ZFPM2: variants seen among roughly 807,000 people sequenced by gnomAD.
ZFPM2 encodes zinc finger protein, FOG family member 2.
ZFPM2 carries 20 observed loss-of-function variants against 98.6 expected under a neutral mutation model. That is an observed-to-expected ratio of 0.20 (90% CI 0.14 to 0.29). ZFPM2 has a LOEUF of 0.29. Ranked by LOEUF, ZFPM2 falls within the 10% of genes least tolerant of loss-of-function variation. The pLI, the probability that ZFPM2 is intolerant of heterozygous loss-of-function variation, is 1.00. For missense variants in ZFPM2, 1,310 were observed against 1,388.6 expected (o/e 0.94, Z 0.90); for synonymous variants, 518 against 502.7 (o/e 1.03, Z -0.41).
chr8:105,371,429 G>A (rs1810620025), intron 1 of ZFPM2, among the ~76,000 whole-genome samples: 1 of 152,250 alleles, frequency 6.6e-6, no homozygotes, highest in Non-Finnish European at 1.5e-5. Context: ...TAGTTACATT[G>A]TCAGCATCCA....
At chr8:105,542,223 A>G (rs912059627) in intron 3 of ZFPM2, among the ~76,000 whole-genome samples, 6 of 152,278 alleles carry the variant, frequency 3.9e-5, no homozygotes, top group African/African-American at 1.4e-4. Flanking sequence ...TAAAAGAGAA[A>G]TGCAGTCTTG....
At chr8:105,735,452 T>C (rs543151171) in intron 5 of ZFPM2, among the ~76,000 whole-genome samples, 2 of 151,886 alleles carry the variant, frequency 1.3e-5, no homozygotes, top group South Asian at 2.1e-4. Context: ...AACAACTCAG[T>C]TTTTATAATT....
At chr8:105,641,905 CCA>C (rs1816955256) in intron 5 of ZFPM2, among the ~76,000 whole-genome samples, 2 of 152,010 alleles carry the variant, frequency 1.3e-5, no homozygotes, top group Admixed American at 1.3e-4. Flanking sequence ...CACCCTGGAT[CCA>C]TGCATGAATG....
chr8:105,380,708 T>TATATTATATATAACATATATA (rs1810848059), intron 1 of ZFPM2, among the ~76,000 whole-genome samples: 2 of 33,920 alleles, frequency 5.9e-5, no homozygotes, highest in Non-Finnish European at 9.1e-5. Context: ...ATATATAATA[T>TATATTATATATAACATATATA]ATATATATAT....
chr8:105,617,408 T>G (rs145967562), intron 4 of ZFPM2, among the ~76,000 whole-genome samples: 150 of 152,272 alleles, frequency 9.9e-4, no homozygotes, highest in African/African-American at 3.5e-3. Context: ...CAATCTAATC[T>G]GAGGAACATA....
chr8:105,523,846 T>C (rs1308979731), intron 3 of ZFPM2, among the ~76,000 whole-genome samples: 1 of 152,126 alleles, frequency 6.6e-6, no homozygotes, highest in Non-Finnish European at 1.5e-5. Flanking sequence ...CAACTGAGAG[T>C]AATGATGTTC....
intron 5 of ZFPM2, among the ~76,000 whole-genome samples, chr8:105,738,538 G>C (rs1400218853): frequency 1.3e-5 from 2 of 152,102 alleles, no homozygotes; most frequent in Non-Finnish European, 2.9e-5. Flanking sequence ...TATATACCCA[G>C]TAATGGGATT....
intron 2 of ZFPM2, among the ~76,000 whole-genome samples, chr8:105,429,570 G>A (rs746291313): frequency 2.0e-5 from 3 of 151,658 alleles, no homozygotes; most frequent in African/African-American, 7.3e-5. Context: ...TCACCAGCAC[G>A]CATCTGCCTC....
intron 3 of ZFPM2, among the ~76,000 whole-genome samples, chr8:105,556,538 T>C (rs1814994423): frequency 6.6e-6 from 1 of 152,152 alleles, no homozygotes; most frequent in Non-Finnish European, 1.5e-5. Flanking sequence ...ACATGGCTTA[T>C]TACAGTTACT....
intron 1 of ZFPM2, among the ~76,000 whole-genome samples, chr8:105,358,255 A>AT (rs71577973): frequency 0.14 from 19,844 of 142,732 alleles, 1,440 homozygotes; most frequent in Non-Finnish European, 0.17. Flanking sequence ...CCCAAGATTC[A>AT]TTTTTTTTTT....
chr8:105,794,491 G>T (rs940312462), intron 6 of ZFPM2, among the ~76,000 whole-genome samples: 1 of 152,150 alleles, frequency 6.6e-6, no homozygotes, highest in African/African-American at 2.4e-5. Context: ...TGCCCCTACT[G>T]GGGGGTGCGT....
chr8:105,614,327 A>G (rs1816369279), intron 4 of ZFPM2, among the ~76,000 whole-genome samples: 2 of 152,254 alleles, frequency 1.3e-5, no homozygotes, highest in African/African-American at 2.4e-5. Context: ...GGAGTTTCCT[A>G]AAAGAGACTT....
chr8:105,626,516 A>T (rs1434551670), intron 4 of ZFPM2, among the ~76,000 whole-genome samples: 5 of 151,966 alleles, frequency 3.3e-5, no homozygotes, highest in African/African-American at 1.2e-4. Flanking sequence ...GTACAGCACC[A>T]TTTTTTCATT....
intron 3 of ZFPM2, among the ~76,000 whole-genome samples, chr8:105,445,892 A>C (rs1812359131): frequency 6.7e-6 from 1 of 150,080 alleles, no homozygotes; most frequent in African/African-American, 2.4e-5. Context: ...GAGCCACTGC[A>C]CCCAGCCTCT....
chr8:105,803,254 C>A lies in ZFPM2; in HGVS notation c.3172C>A (p.Pro1058Thr). The A allele has an allele frequency of 6.2e-7, 1 of 1,602,630 alleles. No individual in the cohort carries two copies. ...LKQDERPAAN[P>T]QQENISQNPQ... ...ACAAGATGAGAGACCTGCTGCCAAC[C>A]CACAGCAAGAGAACATTTCCCAGAA... Residue 1058 changes from proline (P) to threonine (T), a missense_variant, in exon 8 of 8, where the codon CCA (proline) becomes ACA (threonine). Pro to Thr is a conservative substitution (Grantham distance 38). Coordinates refer to ENST00000407775, the MANE Select transcript of ZFPM2 (RefSeq NM_012082.4).
intron 5 of ZFPM2, among the ~76,000 whole-genome samples, chr8:105,673,187 C>CTTTTTTTTTTTTTTTTTTTTTTT (rs5893754): frequency 1.7e-4 from 15 of 87,524 alleles, no homozygotes; most frequent in African/African-American, 6.4e-4. Context: ...AAATAGCATG[C>CTTTTTTTTTTTTTTTTTTTTTTT]TTTTTTTTTT....
At chr8:105,671,094 T>C (rs1817585371) in intron 5 of ZFPM2, among the ~76,000 whole-genome samples, 1 of 152,092 alleles carries the variant, frequency 6.6e-6, no homozygotes, top group African/African-American at 2.4e-5. Context: ...TGTATTCATC[T>C]CTTTAAAACA....
chr8:105,757,508 A>G (rs765828822), intron 5 of ZFPM2, among the ~76,000 whole-genome samples: 2 of 152,204 alleles, frequency 1.3e-5, no homozygotes, highest in Non-Finnish European at 2.9e-5. Flanking sequence ...TTCCACATCC[A>G]GGACAAAACG....
intron 5 of ZFPM2, among the ~76,000 whole-genome samples, chr8:105,717,156 C>G (rs1168443955): frequency 6.6e-6 from 1 of 152,024 alleles, no homozygotes; most frequent in Non-Finnish European, 1.5e-5. Flanking sequence ...CAAAACTGTC[C>G]TGATAAGAAT....
Sources: gnomAD v4.1 joint callset for allele counts (sites outside exome capture counted in the v4.1 genomes callset) on GRCh38, gnomAD v4.1.1 for gene constraint, MANE v1.5 for transcripts, NCBI Gene and HGNC (gene_info 2026-07-23, HGNC 2026-07-21) for gene names.